The following KAZN variants were observed in gnomAD, a reference collection of about 807,000 sequenced individuals.
KAZN encodes the protein kazrin, periplakin interacting protein.
KAZN carries 40 observed loss-of-function variants against 87.4 expected under a neutral mutation model. That is an observed-to-expected ratio of 0.46 (90% CI 0.36 to 0.60). The LOEUF is 0.60. Among genes scored for constraint, KAZN ranks in the 20% least tolerant of loss-of-function variants. The probability of loss-of-function intolerance (pLI) is 0.00; values close to 1 mark genes in which losing one functional copy is unlikely to be tolerated. For synonymous variants in KAZN, 466 were observed against 458.3 expected (o/e 1.02, Z -0.22); for missense variants, 898 against 1,073.9 (o/e 0.84, Z 2.29).
chr1:14,551,224 A>G (rs1322066485), intron 2 of KAZN, among the ~76,000 whole-genome samples: 1 of 152,124 alleles, frequency 6.6e-6, no homozygotes, highest in African/African-American at 2.4e-5. Flanking sequence ...ACCGACTCAT[A>G]TGGATAGATT....
At chr1:14,370,955 G>C (rs1485756930) in intron 2 of KAZN, among the ~76,000 whole-genome samples, 4 of 152,202 alleles carry the variant, frequency 2.6e-5, no homozygotes, top group African/African-American at 4.8e-5. Context: ...AAAGTGCTGA[G>C]ATTAGGGGTG....
At chr1:14,215,648 T>C (rs924301560) in intron 2 of KAZN, among the ~76,000 whole-genome samples, 1 of 152,234 alleles carries the variant, frequency 6.6e-6, no homozygotes, top group Admixed American at 6.5e-5. Context: ...TCTGGCGCTT[T>C]GGCTTTATAA....
At chr1:14,044,221 G>T (rs560390383) in intron 1 of KAZN, among the ~76,000 whole-genome samples, 1 of 152,022 alleles carries the variant, frequency 6.6e-6, no homozygotes, top group African/African-American at 2.4e-5. Context: ...TATTTTTGGG[G>T]TCATCAAAGT....
In KAZN at chr1:14,110,023, A is replaced by G. The variant is rs189423985; in HGVS notation, c.92-70412A>G. ...GCTGGATCCTGGTGTTTCACTCCAC[A>G]TATTGAATAAGCAAAGCAATAATAT... On this transcript the variant is annotated intron_variant, in intron 1 of 16. Transcript: ENST00000636203. Among the ~76,000 whole-genome samples, 59 of 135,032 alleles carry G rather than the reference A, an allele frequency of 4.4e-4. 13 individuals are homozygous for G. Among genetic ancestry groups the G allele is most frequent in the African/African-American group, 1.5e-3 (54 of 34,854 alleles). The allele number at this position is 135,032 out of a possible 152,430, so 88.6% of individuals were successfully genotyped here.
chr1:14,621,981 A>G lies in KAZN; in HGVS notation c.226+22758A>G, dbSNP rs12122918. Among the ~76,000 whole-genome samples, 1,158 of 152,348 alleles carry G rather than the reference A, an allele frequency of 7.6e-3. 6 individuals carry two copies. Among genetic ancestry groups the G allele is most frequent in the Non-Finnish European group, 0.013 (874 of 68,030 alleles). On this transcript the variant is annotated intron_variant, in intron 1 of 14. Transcript: ENST00000376030. ...CCTGTACTTCCGGCTTGAACAGGGC[A>G]TAAAGTATAAGAGCCCTGGGACCAG...
At chr1:14,381,115 A>T (rs541107242) in intron 2 of KAZN, among the ~76,000 whole-genome samples, 1 of 152,292 alleles carries the variant, frequency 6.6e-6, no homozygotes, top group Non-Finnish European at 1.5e-5. Flanking sequence ...TGGAGCACCC[A>T]GGTATGTATG....
In KAZN at chr1:14,960,748, G is replaced by A. The variant is rs1360541497; in HGVS notation, c.291G>A (p.Glu97=). The change falls in exon 2 of 15, where the codon GAG becomes GAA. Residue 97 remains glutamate, a synonymous_variant. Coordinates refer to ENST00000376030, the MANE Select transcript of KAZN (RefSeq NM_201628.3). Reference sequence around the variant, plus strand: ...TTCACCTTCTCCGGCAGATGAAGGAGATGTTGGCGAAGGACCTGGAGGAGT... The same window carrying A: ...TTCACCTTCTCCGGCAGATGAAGGAAATGTTGGCGAAGGACCTGGAGGAGT... ...EEVHLLRQMK[E]MLAKDLEESQ... is the part of the protein sequence containing the mutation. 1 of 1,598,286 alleles carries A rather than the reference G, an allele frequency of 6.3e-7. No individual in the cohort carries two copies. Among genetic ancestry groups the A allele is most frequent in the Admixed American group, 1.7e-5 (1 of 57,596 alleles).
At chr1:15,100,619 T>C (rs958631316) in intron 10 of KAZN, among the ~76,000 whole-genome samples, 2 of 152,158 alleles carry the variant, frequency 1.3e-5, no homozygotes, top group Admixed American at 1.3e-4. Flanking sequence ...TTCAAGCACT[T>C]GCGCACCTGC....
chr1:14,216,500 G>A (rs1646959028), intron 2 of KAZN, among the ~76,000 whole-genome samples: 2 of 152,216 alleles, frequency 1.3e-5, no homozygotes, highest in African/African-American at 4.8e-5. Flanking sequence ...AGAGATCTCA[G>A]AGAACAAGCT....
intron 2 of KAZN, among the ~76,000 whole-genome samples, chr1:14,999,323 T>G (rs914298155): frequency 1.3e-5 from 2 of 152,234 alleles, no homozygotes; most frequent in African/African-American, 2.4e-5. Flanking sequence ...TCCCCGAGCC[T>G]TCACTTTCCC....
At position 15,099,606 on chromosome 1, in the gene KAZN, G is replaced by A. The variant is rs1463564953; in HGVS notation, c.1548-1937G>A. On this transcript the variant is annotated intron_variant, in intron 10 of 14. Transcript: ENST00000376030. This position sits in a 1 kb window ranked among gnomAD's most constrained non-coding sequence, Gnocchi z 5.4. ...GCCCCCAGGACCCCAAGCCCCATGT[G>A]CGTTGGGGGAGGGGAAGTCAGCCAG... Among the ~76,000 whole-genome samples the A allele has an allele frequency of 6.6e-6, 1 of 152,172 alleles. No homozygotes were observed. The highest frequency in any genetic ancestry group is 2.4e-5 in the African/African-American group (1 of 41,444).
chr1:15,094,098 C>T lies in KAZN; in HGVS notation c.1223-82C>T. 7.7e-7 allele frequency: 1 copy of T among 1,298,356 alleles called. No homozygotes were observed. The allele number at this position is 1,298,356 out of a possible 1,614,324, so 80.4% of individuals were successfully genotyped here. On this transcript the variant is annotated intron_variant, in intron 8 of 14. Transcript: ENST00000376030. The surrounding 1 kb of genome is among the most constrained non-coding windows in gnomAD (Gnocchi z 4.5). ...GAGGGGAGGATGTCCCCACCACCCT[C>T]TGCCTCCCGGGGGTATGGCCTGCCC... is the stretch of plus-strand genomic sequence containing the variant.
At chr1:14,768,957 A>T (rs772177700) in intron 1 of KAZN, among the ~76,000 whole-genome samples, 16 of 152,238 alleles carry the variant, frequency 1.1e-4, no homozygotes, top group Non-Finnish European at 1.9e-4. Flanking sequence ...CATTGGGTTG[A>T]ATTTGACCAG....
rs1033380824 is a variant in KAZN, at chr1:14,923,041, T to C, written c.227-37643T>C. On this transcript the variant is annotated intron_variant, in intron 1 of 14. Coordinates refer to ENST00000376030, the MANE Select transcript of KAZN (RefSeq NM_201628.3). The surrounding 1 kb of genome is among the most constrained non-coding windows in gnomAD (Gnocchi z 4.2). ...AAAGTAATTAGGTTCTCACAGCTTG[T>C]TGGACAGCCATAGGCCAGTGACCTA... Among the ~76,000 whole-genome samples the C allele has an allele frequency of 6.6e-6, 1 of 152,202 alleles. No homozygotes were observed. The highest frequency in any genetic ancestry group is 1.5e-5 in the Non-Finnish European group (1 of 68,030).
At chr1:14,677,546 C>T (rs1640299825) in intron 1 of KAZN, among the ~76,000 whole-genome samples, 2 of 151,946 alleles carry the variant, frequency 1.3e-5, no homozygotes, top group African/African-American at 4.8e-5. Flanking sequence ...TCTAAGACAC[C>T]CCAGGGGCCC....
chr1:14,162,361 A>G (rs972227130), intron 1 of KAZN, among the ~76,000 whole-genome samples: 1 of 152,074 alleles, frequency 6.6e-6, no homozygotes, highest in African/African-American at 2.4e-5. Context: ...CCACTTCCCA[A>G]ATATCTCTGA....
intron 2 of KAZN, among the ~76,000 whole-genome samples, chr1:14,291,190 T>C (rs1653661522): frequency 6.6e-6 from 1 of 152,214 alleles, no homozygotes; most frequent in South Asian, 2.1e-4. Context: ...TCAAACACCA[T>C]GCTGGGAGAA....
At chr1:14,363,792 G>A (rs1659720171) in intron 2 of KAZN, among the ~76,000 whole-genome samples, 1 of 152,168 alleles carries the variant, frequency 6.6e-6, no homozygotes, top group Non-Finnish European at 1.5e-5. Flanking sequence ...CTTTACAGAA[G>A]AAGTTTGTTA....
chr1:14,781,496 G>T (rs900760583), intron 1 of KAZN, among the ~76,000 whole-genome samples: 6 of 152,174 alleles, frequency 3.9e-5, no homozygotes, highest in African/African-American at 1.4e-4. Context: ...ATGCGTGCTC[G>T]AGCAGCCTTT....
Sources: gnomAD v4.1 joint callset for allele counts (sites outside exome capture counted in the v4.1 genomes callset) on GRCh38, gnomAD v4.1.1 for gene constraint, Gnocchi (gnomAD v3.1) non-coding constraint, MANE v1.5 for transcripts, NCBI Gene and HGNC (gene_info 2026-07-23, HGNC 2026-07-21) for gene names.